DGKE: variants seen among roughly 807,000 people sequenced by gnomAD.
DGKE encodes the protein DAG kinase epsilon.
In DGKE, 53 loss-of-function variants were observed where a neutral mutation model predicts 70.0. The observed-to-expected ratio is 0.76, with a 90% CI of 0.61 to 0.95. The LOEUF (loss-of-function observed/expected upper bound fraction) is 0.95. DGKE is among the 40% of genes least tolerant of loss of function. The pLI is 0.00. For missense variants in DGKE, 655 were observed against 706.9 expected (o/e 0.93, Z 0.83); for synonymous variants, 291 against 257.0 (o/e 1.13, Z -1.27).
In DGKE at chr17:56,849,215, A is replaced by G; in HGVS notation, c.1081A>G (p.Asn361Asp). 6.2e-7 allele frequency: 1 copy of G among 1,609,620 alleles called. No individual in the cohort carries two copies. Among genetic ancestry groups the G allele is most frequent in the Non-Finnish European group, 8.5e-7 (1 of 1,178,896 alleles). ...TCAAGTAACAAATAAAGGATACTAC[A>G]ACTTAAGAAAACCCAAGGTATGTTG... is the stretch of plus-strand genomic sequence containing the variant. The part of the protein sequence containing the change: ...KVQVTNKGYY[N>D]LRKPKEFTMN... The change falls in exon 7 of 12, where the codon AAC becomes GAC. Residue 361 changes from asparagine (N) to aspartate (D), a missense_variant. Transcript: ENST00000284061.
chr17:56,848,133 T>A (rs1466730284), intron 5 of DGKE, 68 bp downstream of exon 5: 7 of 927,806 alleles, frequency 7.5e-6, no homozygotes, highest in South Asian at 5.2e-5. Context: ...TATATATATA[T>A]ATGGGTTTTG....
intron 7 of DGKE, among the ~76,000 whole-genome samples, chr17:56,855,192 G>GTTT (rs35479127): frequency 4.0e-5 from 6 of 149,408 alleles, no homozygotes; most frequent in Non-Finnish European, 8.9e-5. Flanking sequence ...GTGTTTATGG[G>GTTT]TTTTTTTTTT....
At chr17:56,858,342 T>C (rs1385660363) in intron 8 of DGKE, among the ~76,000 whole-genome samples, 1 of 152,188 alleles carries the variant, frequency 6.6e-6, no homozygotes, top group Non-Finnish European at 1.5e-5. Context: ...TGATTATAGA[T>C]TTCCATTGCT....
At chr17:56,858,810 T>C (rs1305327547) in intron 9 of DGKE, 145 bp downstream of exon 9, 1 of 563,200 alleles carries the variant, frequency 1.8e-6, no homozygotes, top group Non-Finnish European at 3.1e-6. Flanking sequence ...CTTTGCTACA[T>C]GCTTTATACA....
rs530806980 is a variant in DGKE, at chr17:56,863,764, A to T, written c.*973A>T. 6.6e-6 allele frequency: 1 copy of T among 152,306 alleles called. No homozygotes were observed. Among genetic ancestry groups the T allele is most frequent in the Non-Finnish European group, 1.5e-5 (1 of 68,026 alleles). The allele number at this position is 152,306 out of a possible 1,614,324, so 9.4% of individuals were successfully genotyped here. On this transcript the variant is annotated 3_prime_UTR_variant, in exon 12 of 12. Coordinates refer to ENST00000284061, the MANE Select transcript of DGKE (RefSeq NM_003647.3). ...GGTAAGTGGACAGAAATCTTTGCTA[A>T]AATGTTTATATCATATTTATTTTAA...
At position 56,852,086 on chromosome 17, in the gene DGKE, AAAAG is replaced by A. The variant is rs1907685731; in HGVS notation, c.1098+2857_1098+2860del. Among the ~76,000 whole-genome samples, 5 of 152,238 alleles carry A rather than the reference AAAAG, an allele frequency of 3.3e-5. No individual in the cohort carries two copies. The South Asian group carries it at 1.0e-3, about 32-fold the overall frequency. On this transcript the variant is annotated intron_variant, in intron 7 of 11. Coordinates refer to ENST00000284061, the MANE Select transcript of DGKE (RefSeq NM_003647.3). ...AAGACCCCATCTCTAAAAAAAGAGA[AAAAG>A]AATACAGTAAGTAACATTTAAAATT...
Position 56,863,852 on chromosome 17 carries a change from G to A in DGKE, c.*1061G>A, listed in dbSNP as rs1417487423. The A allele has an allele frequency of 6.6e-6, 1 of 152,108 alleles. No homozygotes were observed. Among genetic ancestry groups the A allele is most frequent in the Non-Finnish European group, 1.5e-5 (1 of 68,006 alleles). 9.4% of individuals were successfully genotyped at this position (152,108 alleles called of 1,614,324 possible). A position where few individuals can be genotyped will look rare whatever the true frequency, so the allele number is the denominator to read the frequency against. The stretch of plus-strand genomic sequence containing the variant: ...CCTTGTGGTATGGTACCTGTGTTTA[G>A]TGTTTACGTTCTGTAGCTTTATTTA... On this transcript the variant is annotated 3_prime_UTR_variant, in exon 12 of 12. Coordinates refer to ENST00000284061, the MANE Select transcript of DGKE (RefSeq NM_003647.3).
At chr17:56,852,363 A>G (rs749472864) in intron 7 of DGKE, among the ~76,000 whole-genome samples, 6 of 151,610 alleles carry the variant, frequency 4.0e-5, no homozygotes, top group Non-Finnish European at 5.9e-5. Flanking sequence ...CAGTGAGCCA[A>G]GATCACGCCA....
rs773771287 is a variant in DGKE at position 56,847,957 on chromosome 17, C to A, written c.780C>A (p.Ala260=). The change falls in exon 5 of 12, where the codon GCC becomes GCA. Residue 260 remains alanine, a synonymous_variant. Coordinates refer to ENST00000284061, the MANE Select transcript of DGKE (RefSeq NM_003647.3). ...TAACTAAAACTCCTCCTATCAAAGC[C>A]CTACAACTCTGTACTCTTCTCCCAT... ...FDVTKTPPIK[A]LQLCTLLPYY... 2 of 1,592,596 alleles carry A rather than the reference C, an allele frequency of 1.3e-6. No homozygotes were observed. The highest frequency in any genetic ancestry group is 2.3e-5 in the South Asian group (2 of 86,744).
Position 56,864,634 on chromosome 17 carries a change from T to C in DGKE, c.*1843T>C, listed in dbSNP as rs1191891993. The C allele has an allele frequency of 6.6e-6, 1 of 151,726 alleles. No individual in the cohort carries two copies. The highest frequency in any genetic ancestry group is 1.9e-4 in the East Asian group (1 of 5,172). The allele number at this position is 151,726 out of a possible 1,614,324, so 9.4% of individuals were successfully genotyped here. ...TGGGCCAATCATGTTCTGAGTATTA[T>C]GAAGTTTATCCTTTCATTCATGATC... On this transcript the variant is annotated 3_prime_UTR_variant, in exon 12 of 12. Coordinates refer to ENST00000284061, the MANE Select transcript of DGKE (RefSeq NM_003647.3).
chr17:56,861,619 CTG>C (rs917056204), intron 9 of DGKE, among the ~76,000 whole-genome samples, 170 bp from the exon 10 acceptor site: 1 of 152,142 alleles, frequency 6.6e-6, no homozygotes, highest in African/African-American at 2.4e-5. Flanking sequence ...AGCAGTTCTA[CTG>C]AAGAGATAGA....
chr17:56,846,894 C>G (rs552816670), intron 4 of DGKE, among the ~76,000 whole-genome samples: 15 of 152,108 alleles, frequency 9.9e-5, no homozygotes, highest in Middle Eastern at 3.5e-3. Flanking sequence ...TACAAATTTG[C>G]ATTCTGATTT....
At chr17:56,843,564 G>A (rs976108800) in intron 2 of DGKE, among the ~76,000 whole-genome samples, 5 of 152,082 alleles carry the variant, frequency 3.3e-5, no homozygotes, top group Non-Finnish European at 7.4e-5. Context: ...ATGGGAGGCC[G>A]AGGTGGGTGG....
rs1372278067 is a variant in DGKE, at chr17:56,864,262, G to T, written c.*1471G>T. ...TGGCCCAGGCTTTGTGGTCTTTCAT[G>T]ACATTAATCTCTGAAAGATCAGAAT... On this transcript the variant is annotated 3_prime_UTR_variant, in exon 12 of 12. Coordinates refer to ENST00000284061, the MANE Select transcript of DGKE (RefSeq NM_003647.3). 6.6e-6 allele frequency: 1 copy of T among 152,186 alleles called. No individual in the cohort carries two copies. Among genetic ancestry groups the T allele is most frequent in the East Asian group, 1.9e-4 (1 of 5,190 alleles). The allele number at this position is 152,186 out of a possible 1,614,324, so 9.4% of individuals were successfully genotyped here.
At position 56,834,940 on chromosome 17, in the gene DGKE, C is replaced by T. The variant is rs1906489358; in HGVS notation, c.145C>T (p.Leu49=). 4 of 1,613,206 alleles carry T rather than the reference C, an allele frequency of 2.5e-6. No homozygotes were observed. The African/African-American group carries it at 4.0e-5, about 16-fold the overall frequency. The stretch of plus-strand genomic sequence containing the variant: ...TAGCCTCCAGCGGTCGCGCCGGCAG[C>T]TGCACCGCAGGGACATCTTCCGCAA... The part of the protein sequence containing the change: ...WCSLQRSRRQ[L]HRRDIFRKSK... Residue 49 remains leucine (L), a synonymous_variant, in exon 2 of 12, where the codon CTG becomes TTG. Transcript: ENST00000284061.
intron 4 of DGKE, among the ~76,000 whole-genome samples, chr17:56,846,884 T>C (rs954493146): frequency 1.3e-5 from 2 of 152,224 alleles, no homozygotes; most frequent in Admixed American, 6.5e-5. Context: ...ATAATCTAGA[T>C]ACAAATTTGC....
chr17:56,861,058 G>T (rs1034778304), intron 9 of DGKE, among the ~76,000 whole-genome samples: 9 of 152,222 alleles, frequency 5.9e-5, no homozygotes, highest in Admixed American at 4.6e-4. Context: ...AGGCAGATAG[G>T]CCAGATAGAA....
chr17:56,841,876 A>C (rs1852049618), intron 2 of DGKE, among the ~76,000 whole-genome samples: 3 of 152,174 alleles, frequency 2.0e-5, no homozygotes, highest in Admixed American at 2.0e-4. Context: ...GGAGTGCAGC[A>C]GCACCCTTTC....
Position 56,867,187 on chromosome 17 carries a change from A to G in DGKE, c.*4396A>G, listed in dbSNP as rs1908555780. ...AAGGTACATTCCAGGGTTCTGGGGA[A>G]AGAATTTTAAAATGCCATCCTCTAA... is the stretch of plus-strand genomic sequence containing the variant. On this transcript the variant is annotated 3_prime_UTR_variant, in exon 12 of 12. Transcript: ENST00000284061. The G allele has an allele frequency of 1.3e-5, 2 of 152,246 alleles. No homozygotes were observed. Among genetic ancestry groups the G allele is most frequent in the African/African-American group, 4.8e-5 (2 of 41,456 alleles). The allele number at this position is 152,246 out of a possible 1,614,324, so 9.4% of individuals were successfully genotyped here. A position where few individuals can be genotyped will look rare whatever the true frequency, so the allele number is the denominator to read the frequency against.
Sources: allele counts gnomAD v4.1 joint callset (sites outside exome capture counted in the v4.1 genomes callset), GRCh38; gene constraint gnomAD v4.1.1; transcripts MANE v1.5; gene names NCBI Gene and HGNC (gene_info 2026-07-23, HGNC 2026-07-21).